The following EYA2 variants were observed in gnomAD, a reference collection of about 807,000 sequenced individuals.
EYA2 encodes EYA transcriptional coactivator and phosphatase 2, also known as protein phosphatase EYA2.
EYA2 carries 31 observed loss-of-function variants against 69.2 expected under a neutral mutation model. That is an observed-to-expected ratio of 0.45 (90% CI 0.34 to 0.60). EYA2 has a LOEUF of 0.60. EYA2 is among the 20% of genes least tolerant of loss of function. The pLI is 0.02. For missense variants in EYA2, 622 were observed against 701.2 expected, an observed-to-expected ratio of 0.89 and a Z score of 1.28; for synonymous variants, 257 against 279.4, an observed-to-expected ratio of 0.92 and a Z score of 0.80.
intron 1 of EYA2, among the ~76,000 whole-genome samples, chr20:46,983,280 G>A (rs984224005): frequency 6.6e-6 from 1 of 151,948 alleles, no homozygotes; most frequent in Non-Finnish European, 1.5e-5. Flanking sequence ...TTTTTATTGT[G>A]TATAAAACAT....
chr20:47,002,591 T>C (rs1305541802), intron 3 of EYA2, among the ~76,000 whole-genome samples: 3 of 152,240 alleles, frequency 2.0e-5, no homozygotes, highest in Non-Finnish European at 4.4e-5. Flanking sequence ...CACAATTTCT[T>C]TACCCAGTCT....
chr20:46,908,314 G>T (rs536007446), intron 1 of EYA2, among the ~76,000 whole-genome samples: 1 of 152,332 alleles, frequency 6.6e-6, no homozygotes, highest in East Asian at 1.9e-4. Context: ...AAGAGAAGCT[G>T]ACGAGAACAT....
intron 1 of EYA2, among the ~76,000 whole-genome samples, chr20:46,926,213 A>T (rs1241543293): frequency 6.6e-6 from 1 of 152,228 alleles, no homozygotes; most frequent in Admixed American, 6.5e-5. Context: ...AGAAACAGAA[A>T]AAAATAGGAA....
chr20:47,046,632 C>T (rs944990238), intron 5 of EYA2, among the ~76,000 whole-genome samples: 4 of 152,090 alleles, frequency 2.6e-5, no homozygotes, highest in South Asian at 4.2e-4. Context: ...CCTAGCCAAG[C>T]GTGTATGGAT....
chr20:47,117,511 C>T (rs1054674025), intron 9 of EYA2: 2 of 985,376 alleles, frequency 2.0e-6, no homozygotes, highest in Non-Finnish European at 2.4e-6. Flanking sequence ...GATTCCTCCG[C>T]GGGTGTTATT....
chr20:47,071,633 G>A (rs183726899), intron 5 of EYA2, among the ~76,000 whole-genome samples: 77 of 152,228 alleles, frequency 5.1e-4, no homozygotes, highest in Admixed American at 1.7e-3. Flanking sequence ...CAGGATCTGG[G>A]TAGTGGGCAC....
At chr20:47,184,341 T>C (rs1039038940) in intron 15 of EYA2, among the ~76,000 whole-genome samples, 3 of 151,774 alleles carry the variant, frequency 2.0e-5, no homozygotes, top group Admixed American at 2.0e-4. Flanking sequence ...TTCACCACCG[T>C]AACTTTATTG....
At chr20:46,949,255 TA>T (rs1195484496) in intron 1 of EYA2, among the ~76,000 whole-genome samples, 1 of 152,228 alleles carries the variant, frequency 6.6e-6, no homozygotes, top group African/African-American at 2.4e-5. Flanking sequence ...TTGTGCTTCA[TA>T]AGATGATACA....
chr20:47,181,073 C>A, intron 14 of EYA2, 137 bp downstream of exon 14: 3 of 1,228,296 alleles, frequency 2.4e-6, no homozygotes, highest in Non-Finnish European at 2.2e-6. Flanking sequence ...CTCAGATTCC[C>A]AAAACAGCCC....
intron 7 of EYA2, among the ~76,000 whole-genome samples, chr20:47,078,294 CAT>C (rs2146484582): frequency 6.6e-6 from 1 of 151,222 alleles, no homozygotes; most frequent in East Asian, 2.0e-4. Flanking sequence ...GGAATTTAAG[CAT>C]ATGTGTGTGC....
chr20:47,025,524 CTAT>C (rs1600650041), intron 5 of EYA2, among the ~76,000 whole-genome samples: 1 of 152,262 alleles, frequency 6.6e-6, no homozygotes, highest in East Asian at 1.9e-4. Context: ...TCATAGATGC[CTAT>C]TATTGCATTG....
intron 1 of EYA2, among the ~76,000 whole-genome samples, chr20:46,898,209 G>A (rs188769460): frequency 7.3e-5 from 11 of 150,576 alleles, no homozygotes; most frequent in Admixed American, 7.3e-4. Flanking sequence ...CTAAGACTGG[G>A]TTTTGTTGGT....
intron 1 of EYA2, among the ~76,000 whole-genome samples, chr20:46,931,540 T>C (rs1355104816): frequency 6.6e-6 from 1 of 152,186 alleles, no homozygotes; most frequent in Non-Finnish European, 1.5e-5. Flanking sequence ...CATAGGGTTG[T>C]TTGGGGATGA....
At chr20:47,000,520 C>T (rs796376357) in intron 2 of EYA2, among the ~76,000 whole-genome samples, 1 of 152,206 alleles carries the variant, frequency 6.6e-6, no homozygotes, top group African/African-American at 2.4e-5. Flanking sequence ...ACGCTGTTCC[C>T]ATCAGTAGAC....
chr20:46,936,712 G>A (rs1484016890), intron 1 of EYA2, among the ~76,000 whole-genome samples: 1 of 152,138 alleles, frequency 6.6e-6, no homozygotes. Flanking sequence ...AGGAGAAGGA[G>A]GCTGGCTCCC....
intron 9 of EYA2, among the ~76,000 whole-genome samples, chr20:47,135,591 G>A (rs1489514303): frequency 2.0e-5 from 3 of 151,428 alleles, no homozygotes; most frequent in Non-Finnish European, 2.9e-5. Flanking sequence ...GGATGAAATC[G>A]GCATGCCTTC....
intron 7 of EYA2, among the ~76,000 whole-genome samples, chr20:47,085,831 G>C (rs552224533): frequency 6.6e-6 from 1 of 152,244 alleles, no homozygotes; most frequent in East Asian, 1.9e-4. Context: ...GGTTTTCTGG[G>C]GAGGGTAACT....
chr20:46,934,156 A>G lies in EYA2; in HGVS notation c.-11+39169A>G, dbSNP rs112144636. Among the ~76,000 whole-genome samples the G allele has an allele frequency of 6.1e-3, 926 of 152,314 alleles. 14 individuals are homozygous for G. The highest frequency in any genetic ancestry group is 0.021 in the African/African-American group (864 of 41,574). ...ATTTATGAGAGCATTTTGGGTGGCA[A>G]TTGGCAGAAATGTCAAAGCCGTTGA... is the stretch of plus-strand genomic sequence containing the variant. On this transcript the variant is annotated intron_variant, in intron 1 of 15. Coordinates refer to ENST00000327619, the MANE Select transcript of EYA2 (RefSeq NM_005244.5).
At chr20:46,931,554 G>A (rs1489733291) in intron 1 of EYA2, among the ~76,000 whole-genome samples, 2 of 152,162 alleles carry the variant, frequency 1.3e-5, no homozygotes, top group Admixed American at 6.5e-5. Flanking sequence ...GGGATGAAAT[G>A]AGATCACGTG....
Sources: allele counts gnomAD v4.1 joint callset (sites outside exome capture counted in the v4.1 genomes callset), GRCh38; gene constraint gnomAD v4.1.1; transcripts MANE v1.5; gene names NCBI Gene and HGNC (gene_info 2026-07-23, HGNC 2026-07-21).